The following FAF1 variants were observed in gnomAD, a reference collection of about 807,000 sequenced individuals.
The protein encoded by FAF1 is Fas associated factor 1.
FAF1 carries 25 observed loss-of-function variants against 92.5 expected under a neutral mutation model. The observed-to-expected ratio is 0.27, with a 90% CI of 0.20 to 0.38. FAF1 has a LOEUF of 0.38. FAF1 is among the 10% of genes least tolerant of loss of function. The pLI is 1.00. For missense variants in FAF1, 636 were observed against 793.3 expected (o/e 0.80, Z 2.38); for synonymous variants, 234 against 273.2 (o/e 0.86, Z 1.42).
At chr1:50,762,937 T>C (rs999900072) in intron 4 of FAF1, among the ~76,000 whole-genome samples, 2 of 152,084 alleles carry the variant, frequency 1.3e-5, no homozygotes, top group African/African-American at 4.8e-5. Flanking sequence ...CACAACCTAC[T>C]CATCTGATAA....
At chr1:50,442,823 G>C (rs562306286) in intron 18 of FAF1, among the ~76,000 whole-genome samples, 1 of 152,192 alleles carries the variant, frequency 6.6e-6, no homozygotes, top group Non-Finnish European at 1.5e-5. Context: ...TGGAAACCTG[G>C]TATGCTCAGG....
chr1:50,824,420 C>A (rs1174165864), intron 2 of FAF1, among the ~76,000 whole-genome samples: 1 of 152,074 alleles, frequency 6.6e-6, no homozygotes. Context: ...TAATGTTAAT[C>A]CTTTTTCTCG....
chr1:50,738,406 G>A (rs940151673), intron 6 of FAF1, among the ~76,000 whole-genome samples: 4 of 139,692 alleles, frequency 2.9e-5, no homozygotes, highest in East Asian at 4.1e-4. Flanking sequence ...TCGTACCATT[G>A]CACCTCAGTC....
chr1:50,478,393 C>A (rs1413378407), intron 17 of FAF1, among the ~76,000 whole-genome samples: 1 of 152,086 alleles, frequency 6.6e-6, no homozygotes, highest in Non-Finnish European at 1.5e-5. Context: ...AAACTCCTGA[C>A]CTCAAGTGAT....
chr1:50,944,277 A>C (rs781288381), intron 1 of FAF1, among the ~76,000 whole-genome samples: 19 of 152,368 alleles, frequency 1.2e-4, no homozygotes, highest in Non-Finnish European at 2.5e-4. Context: ...CAGACCCAGC[A>C]GTCAGCTAAA....
chr1:50,863,518 A>C (rs1270079723), intron 1 of FAF1, among the ~76,000 whole-genome samples: 1 of 152,086 alleles, frequency 6.6e-6, no homozygotes, highest in Admixed American at 6.6e-5. Context: ...CCAATATCAG[A>C]GCAGAACTAA....
At chr1:50,783,234 C>A (rs1273288196) in intron 4 of FAF1, among the ~76,000 whole-genome samples, 1 of 152,038 alleles carries the variant, frequency 6.6e-6, no homozygotes, top group East Asian at 1.9e-4. Flanking sequence ...AAAAATCTCC[C>A]AACAAAGAAA....
At chr1:50,511,495 G>T (rs1647133874) in intron 15 of FAF1, among the ~76,000 whole-genome samples, 1 of 152,114 alleles carries the variant, frequency 6.6e-6, no homozygotes, top group Non-Finnish European at 1.5e-5. Flanking sequence ...AGAACATGTG[G>T]TGTTTGGTTT....
At chr1:50,788,388 A>G (rs890955165) in intron 3 of FAF1, among the ~76,000 whole-genome samples, 183 bp from the exon 4 acceptor site, 1 of 152,196 alleles carries the variant, frequency 6.6e-6, no homozygotes, top group African/African-American at 2.4e-5. Context: ...TGAAGGCCAC[A>G]TTACTCTCCT....
rs1370780344 is a variant in FAF1 at position 50,819,764 on chromosome 1, CGTAT to C, written c.115-18091_115-18088del. Among the ~76,000 whole-genome samples, 21 of 16,686 alleles carry C rather than the reference CGTAT, an allele frequency of 1.3e-3. 2 individuals are homozygous for C. Among genetic ancestry groups the C allele is most frequent in the African/African-American group, 4.0e-3 (21 of 5,274 alleles). 10.9% of individuals were successfully genotyped at this position (16,686 alleles called of 152,430 possible). On this transcript the variant is annotated intron_variant, in intron 2 of 18. Transcript: ENST00000396153. Reference sequence around the variant, plus strand: ...ACATATATATATACATATATATATACGTATATATATATACATATATATACATATA... The same window carrying C: ...ACATATATATATACATATATATATACATATATATACATATATATACATATA...
intron 2 of FAF1, among the ~76,000 whole-genome samples, chr1:50,814,913 T>C (rs1330676869): frequency 6.6e-6 from 1 of 152,172 alleles, no homozygotes. Flanking sequence ...TTAAAACCCT[T>C]TTGTACTGCT....
At chr1:50,888,181 T>C (rs1053638888) in intron 1 of FAF1, among the ~76,000 whole-genome samples, 2 of 152,230 alleles carry the variant, frequency 1.3e-5, no homozygotes, top group Non-Finnish European at 2.9e-5. Flanking sequence ...TCTGTTTGTC[T>C]GTTATTGGTG....
At chr1:50,503,649 CA>C (rs951071038) in intron 15 of FAF1, among the ~76,000 whole-genome samples, 10 of 138,906 alleles carry the variant, frequency 7.2e-5, no homozygotes, top group East Asian at 2.1e-4. Flanking sequence ...AAAACCAAAA[CA>C]AAAAAAAAAG....
intron 3 of FAF1, among the ~76,000 whole-genome samples, chr1:50,792,183 G>T (rs1356282666): frequency 6.6e-6 from 1 of 152,086 alleles, no homozygotes; most frequent in Non-Finnish European, 1.5e-5. Context: ...AAATGATACA[G>T]AGTTTGTAAG....
At position 50,960,100 on chromosome 1, in the gene FAF1, A is replaced by G; in HGVS notation, c.-289T>C. ...GGTCTGGATGTGGGTCCGGTCTTAC[A>G]GTCGCGGGCCAGGATGAGGGCAGGT... On this transcript the variant is annotated 5_prime_UTR_variant, in exon 1 of 19. Coordinates refer to ENST00000396153, the MANE Select transcript of FAF1 (RefSeq NM_007051.3). 2.6e-6 allele frequency: 1 copy of G among 389,002 alleles called. No individual in the cohort carries two copies. Among genetic ancestry groups the G allele is most frequent in the South Asian group, 1.3e-4 (1 of 7,774 alleles). The allele number at this position is 389,002 out of a possible 1,614,324, so 24.1% of individuals were successfully genotyped here. A position where few individuals can be genotyped will look rare whatever the true frequency, so the allele number is the denominator to read the frequency against.
At chr1:50,519,905 G>C (rs1647414355) in intron 15 of FAF1, among the ~76,000 whole-genome samples, 1 of 152,142 alleles carries the variant, frequency 6.6e-6, no homozygotes, top group Non-Finnish European at 1.5e-5. Context: ...CACCCTACAT[G>C]TATCTCCATC....
chr1:50,739,599 C>T (rs1659306103), intron 5 of FAF1, among the ~76,000 whole-genome samples: 1 of 152,040 alleles, frequency 6.6e-6, no homozygotes, highest in Non-Finnish European at 1.5e-5. Context: ...ATAATATATA[C>T]TTCGTTTCAG....
At chr1:50,913,143 A>T (rs1424663372) in intron 1 of FAF1, among the ~76,000 whole-genome samples, 3 of 152,164 alleles carry the variant, frequency 2.0e-5, no homozygotes, top group Non-Finnish European at 4.4e-5. Flanking sequence ...TCTCTTCCCC[A>T]CTGTACTATA....
chr1:50,487,062 C>G (rs917617489), intron 17 of FAF1, among the ~76,000 whole-genome samples: 1 of 152,156 alleles, frequency 6.6e-6, no homozygotes, highest in African/African-American at 2.4e-5. Context: ...AGCTGTCATA[C>G]ATAACTTGCC....
Sources: allele counts gnomAD v4.1 joint callset (sites outside exome capture counted in the v4.1 genomes callset), GRCh38; gene constraint gnomAD v4.1.1; transcripts MANE v1.5; gene names NCBI Gene and HGNC (gene_info 2026-07-23, HGNC 2026-07-21).